PIK3CD: variants seen among roughly 807,000 people sequenced by gnomAD.
PIK3CD encodes the protein phosphatidylinositol-4,5-bisphosphate 3-kinase catalytic subunit delta.
PIK3CD carries 20 observed loss-of-function variants against 122.9 expected under a neutral mutation model. The observed-to-expected ratio is 0.16, with a 90% confidence interval of 0.11 to 0.24. The LOEUF (loss-of-function observed/expected upper bound fraction) is 0.24, where lower values mean the gene tolerates loss of function less well. PIK3CD is among the 10% of genes least tolerant of loss of function. The probability of loss-of-function intolerance (pLI) is 1.00; values close to 1 mark genes in which losing one functional copy is unlikely to be tolerated. For missense variants in PIK3CD, 787 were observed against 1,406.3 expected (o/e 0.56, Z 7.04); for synonymous variants, 596 against 593.4 (o/e 1.00, Z -0.06).
chr1:9,671,146 C>T (rs1056302675), intron 1 of PIK3CD, among the ~76,000 whole-genome samples: 3 of 152,138 alleles, frequency 2.0e-5, no homozygotes, highest in African/African-American at 7.2e-5. Context: ...GTCGCCCAGG[C>T]TGGAGTGCAG....
In PIK3CD at chr1:9,722,637, G is replaced by C. The variant is rs762497495; in HGVS notation, c.2426+31G>C. On this transcript the variant is annotated intron_variant, in intron 19 of 23. Transcript: ENST00000377346. The surrounding 1 kb of genome is among the most constrained non-coding windows in gnomAD (Gnocchi z 7.6). Reference sequence around the variant, plus strand: ...GACCCCCACCCCACATCGTCCCTTGGTGTCTGTGCCCAGCCTGGGAGTCTG... The same window carrying C: ...GACCCCCACCCCACATCGTCCCTTGCTGTCTGTGCCCAGCCTGGGAGTCTG... The C allele has an allele frequency of 1.3e-4, 201 of 1,578,286 alleles. 1 individual carries two copies. The Admixed American group carries it at 1.4e-3, about 11-fold the overall frequency.
upstream of PIK3CD, among the ~76,000 whole-genome samples, chr1:9,650,134 A>AG (rs5772373): frequency 0.48 from 72,289 of 152,014 alleles, 19,316 homozygotes; most frequent in East Asian, 0.84. Flanking sequence ...AGAAAGGAAT[A>AG]GGGCTTGGGT....
chr1:9,715,929 G>A lies in PIK3CD; in HGVS notation c.451G>A (p.Ala151Thr). The change falls in exon 5 of 24, where the codon GCC (alanine) becomes ACC (threonine). Residue 151 changes from alanine to threonine, a missense_variant. By Grantham distance (58) the Ala-to-Thr change is moderately conservative (BLOSUM62 0). Coordinates refer to ENST00000377346, the MANE Select transcript of PIK3CD (RefSeq NM_005026.5). The surrounding 1 kb of genome is among the most constrained non-coding windows in gnomAD (Gnocchi z 4.1). ...GATGTGCCAATTCTGCGAGGAGGCG[G>A]CCGCCCGCCGGCAGCAGCTGGGCTG... ...AKMCQFCEEAAARRQQLGWEA... is the reference protein window; with the variant it reads ...AKMCQFCEEATARRQQLGWEA... 6.2e-7 allele frequency: 1 copy of A among 1,611,752 alleles called. No individual in the cohort carries two copies. Among genetic ancestry groups the A allele is most frequent in the Non-Finnish European group, 8.5e-7 (1 of 1,179,644 alleles).
intron 1 of PIK3CD, chr1:9,662,418 T>A (rs947403865): frequency 1.9e-5 from 3 of 160,834 alleles, no homozygotes; most frequent in African/African-American, 7.2e-5. Flanking sequence ...TCGTTCAGTG[T>A]AGATGACGTA....
the PIK3CD span, among the ~76,000 whole-genome samples, chr1:9,643,184 G>A: frequency 6.6e-6 from 1 of 152,034 alleles, no homozygotes; most frequent in Admixed American, 6.6e-5. Flanking sequence ...CAAGACAGGT[G>A]GATCACCGGA....
chr1:9,672,350 C>A (rs1300218951), intron 1 of PIK3CD: 1 of 152,046 alleles, frequency 6.6e-6, no homozygotes, highest in Non-Finnish European at 1.5e-5. Flanking sequence ...GCGACTCCAA[C>A]CAGTTTTAAA....
At chr1:9,692,540 C>T (rs1310632105) in intron 2 of PIK3CD, among the ~76,000 whole-genome samples, 1 of 134,930 alleles carries the variant, frequency 7.4e-6, no homozygotes, top group Non-Finnish European at 1.8e-5. Context: ...GCCTGGCCAA[C>T]CAACATGGTG....
chr1:9,705,103 T>C (rs1458952379), intron 2 of PIK3CD, among the ~76,000 whole-genome samples: 2 of 152,080 alleles, frequency 1.3e-5, no homozygotes, highest in African/African-American at 4.8e-5. Flanking sequence ...AGTAGAGAAG[T>C]CTTTGCTTAA....
rs748034214 is a variant in PIK3CD, at chr1:9,723,323, C to A, written c.2594+31C>A. On this transcript the variant is annotated intron_variant, in intron 20 of 23. Coordinates refer to ENST00000377346, the MANE Select transcript of PIK3CD (RefSeq NM_005026.5). The surrounding 1 kb of genome is among the most constrained non-coding windows in gnomAD (Gnocchi z 4.9). ...TTTCAGGCCCAGGGATAGGTTCCCT[C>A]TCCTTTCCAAGAGGTGTGGAGTGGG... 9 of 1,611,398 alleles carry A rather than the reference C, an allele frequency of 5.6e-6. No individual in the cohort carries two copies. The African/African-American group carries it at 9.3e-5, about 17-fold the overall frequency.
upstream of PIK3CD, among the ~76,000 whole-genome samples, chr1:9,647,412 T>C (rs1257955403): frequency 2.6e-5 from 4 of 151,378 alleles, no homozygotes; most frequent in African/African-American, 9.7e-5. Flanking sequence ...AATAAAACAA[T>C]AATCATCTTT....
chr1:9,652,248 A>G lies in PIK3CD; in HGVS notation c.-138+446A>G, dbSNP rs1357983948. ...CTAGAGGACCAGGGGCCTCCTCTGT[A>G]CGGCAGCGGGGTCCACAGAGAGCGC... On this transcript the variant is annotated intron_variant, in intron 1 of 23. Transcript: ENST00000377346. The surrounding 1 kb of genome is among the most constrained non-coding windows in gnomAD (Gnocchi z 6.2). 6.6e-6 allele frequency among the ~76,000 whole-genome samples: 1 copy of G among 152,098 alleles called. No homozygotes were observed. The highest frequency in any genetic ancestry group is 6.5e-5 in the Admixed American group (1 of 15,284).
chr1:9,716,399 G>T, intron 5 of PIK3CD, 41 bp from the exon 6 acceptor site: 2 of 1,601,970 alleles, frequency 1.2e-6, no homozygotes, highest in Non-Finnish European at 1.7e-6. Flanking sequence ...GAACCCCGGG[G>T]GGCCTCGAGG....
intron 1 of PIK3CD, chr1:9,654,329 C>G: frequency 7.3e-7 from 1 of 1,367,762 alleles, no homozygotes; most frequent in Middle Eastern, 2.1e-4. Context: ...TTGCACTAAG[C>G]TGTGGGCTCC....
the PIK3CD span, among the ~76,000 whole-genome samples, chr1:9,629,467 G>A: frequency 5.0e-5 from 2 of 39,974 alleles, no homozygotes; most frequent in African/African-American, 1.8e-4. Context: ...CCCCACCCCC[G>A]CCCCCACCCA....
Position 9,727,181 on chromosome 1 carries a change from C to T in PIK3CD, c.*135C>T, listed in dbSNP as rs1649788163. 3 of 977,992 alleles carry T rather than the reference C, an allele frequency of 3.1e-6. No homozygotes were observed. The highest frequency in any genetic ancestry group is 3.2e-5 in the African/African-American group (2 of 61,844). 60.6% of individuals were successfully genotyped at this position (977,992 alleles called of 1,614,324 possible). ...CCGACATGGCTGCCTTTTGTTTACA[C>T]TGGTTATTTATTTATGACTTGAAAT... On this transcript the variant is annotated 3_prime_UTR_variant, in exon 24 of 24. Transcript: ENST00000377346.
intron 1 of PIK3CD, among the ~76,000 whole-genome samples, chr1:9,657,345 C>G (rs941927282): frequency 2.0e-5 from 3 of 152,190 alleles, no homozygotes; most frequent in African/African-American, 7.2e-5. Flanking sequence ...GGCCACCAAT[C>G]AGCCCGCTTA....
intron 2 of PIK3CD, among the ~76,000 whole-genome samples, chr1:9,698,440 C>T (rs1447797423): frequency 6.6e-6 from 1 of 152,232 alleles, no homozygotes; most frequent in African/African-American, 2.4e-5. Flanking sequence ...CCATGGCTGG[C>T]CTTTCTATGC....
In PIK3CD at chr1:9,722,670, G is replaced by C; in HGVS notation, c.2426+64G>C. On this transcript the variant is annotated intron_variant, in intron 19 of 23. Coordinates refer to ENST00000377346, the MANE Select transcript of PIK3CD (RefSeq NM_005026.5). The surrounding 1 kb of genome is among the most constrained non-coding windows in gnomAD (Gnocchi z 7.6). ...GCCCAGCCTGGGAGTCTGTGCCCCT[G>C]GAGGGGTCCTTGTTGAAGGTGGCAT... The C allele has an allele frequency of 2.2e-6, 3 of 1,358,246 alleles. No homozygotes were observed. Among genetic ancestry groups the C allele is most frequent in the Non-Finnish European group, 1.1e-6 (1 of 948,976 alleles). 84.1% of individuals were successfully genotyped at this position (1,358,246 alleles called of 1,614,324 possible).
chr1:9,702,161 A>G (rs1646659019), intron 2 of PIK3CD, among the ~76,000 whole-genome samples: 1 of 151,482 alleles, frequency 6.6e-6, no homozygotes, highest in Admixed American at 6.6e-5. Context: ...CGCCTGGCTA[A>G]TTTTTGTATT....
Sources: allele counts gnomAD v4.1 joint callset (sites outside exome capture counted in the v4.1 genomes callset), GRCh38; gene constraint gnomAD v4.1.1; non-coding constraint Gnocchi (gnomAD v3.1); transcripts MANE v1.5; gene names NCBI Gene and HGNC (gene_info 2026-07-23, HGNC 2026-07-21).